Variants in CRB1 observed in about 807,000 individuals in gnomAD.
The protein encoded by CRB1 is protein crumbs homolog 1.
CRB1 carries 83 observed loss-of-function variants against 120.0 expected under a neutral mutation model. The observed-to-expected ratio is 0.69, with a 90% CI of 0.58 to 0.83. The LOEUF is 0.83. CRB1 is among the 40% of genes least tolerant of loss of function. CRB1 has a pLI of 0.00. For missense variants in CRB1, 1,699 were observed against 1,687.6 expected, an observed-to-expected ratio of 1.01 and a Z score of -0.12; for synonymous variants, 625 against 612.5, an observed-to-expected ratio of 1.02 and a Z score of -0.30.
rs115494276 is a variant in CRB1, at chr1:197,409,684, A to G, written c.1172-11316A>G. Reference sequence around the variant, plus strand: ...GTTTCATCATCTGTGAAATGCAGGTAGCAATACATGCTTCATCATTCATTA... The same window carrying G: ...GTTTCATCATCTGTGAAATGCAGGTGGCAATACATGCTTCATCATTCATTA... On this transcript the variant is annotated intron_variant, in intron 5 of 11. Transcript: ENST00000367400. 3.8e-3 allele frequency among the ~76,000 whole-genome samples: 581 copies of G among 152,326 alleles called. 8 individuals carry two copies. Among genetic ancestry groups the G allele is most frequent in the African/African-American group, 0.013 (559 of 41,588 alleles).
At chr1:197,405,605 C>T (rs1002306003) in intron 5 of CRB1, among the ~76,000 whole-genome samples, 2 of 151,664 alleles carry the variant, frequency 1.3e-5, no homozygotes, top group African/African-American at 2.4e-5. Flanking sequence ...CGTCTCTGCC[C>T]GGCCGCCATC....
chr1:197,309,044 T>C (rs1657349667), intron 1 of CRB1, among the ~76,000 whole-genome samples: 1 of 151,490 alleles, frequency 6.6e-6, no homozygotes, highest in African/African-American at 2.4e-5. Context: ...TGTATATGTA[T>C]ATATTTATGT....
At chr1:197,344,674 A>G (rs145356509) in intron 3 of CRB1, among the ~76,000 whole-genome samples, 198 bp downstream of exon 3, 198 of 152,352 alleles carry the variant, frequency 1.3e-3, no homozygotes, top group African/African-American at 4.7e-3. Context: ...GGAAGATTTT[A>G]CAAGTCATTC....
In CRB1 at chr1:197,344,365, A is replaced by T; in HGVS notation, c.737A>T (p.Tyr246Phe). The stretch of plus-strand genomic sequence containing the variant: ...ACTTGTCAGGATGCTCTGGGGGCCT[A>T]TTTCTGCGACTGTGCCCCTGGATTC... ...GATCQDALGAYFCDCAPGFLG... is the reference protein window; with the variant it reads ...GATCQDALGAFFCDCAPGFLG... The change falls in exon 3 of 12, where the codon TAT (tyrosine) becomes TTT (phenylalanine). Residue 246 changes from tyrosine to phenylalanine, a missense_variant. Physicochemically the swap from Tyr to Phe is conservative, Grantham distance 22 (BLOSUM62 3). Transcript: ENST00000367400. 1.2e-6 allele frequency: 2 copies of T among 1,614,124 alleles called. No individual in the cohort carries two copies. The highest frequency in any genetic ancestry group is 1.7e-6 in the Non-Finnish European group (2 of 1,180,000).
chr1:197,207,636 A>G, the CRB1 span, among the ~76,000 whole-genome samples: 2 of 152,160 alleles, frequency 1.3e-5, no homozygotes, highest in African/African-American at 4.8e-5. Flanking sequence ...CTTTTGCCTC[A>G]TGGCTCTTAA....
chr1:197,421,147 A>T lies in CRB1; in HGVS notation c.1319A>T (p.Asp440Val), dbSNP rs1343836735. The change falls in exon 6 of 12, where the codon GAT (aspartate) becomes GTT (valine). Residue 440 changes from aspartate to valine, a missense_variant. Physicochemically the swap from Asp to Val is radical, Grantham distance 152. Transcript: ENST00000367400. ...TTTTATGGAGGAAGGGACTGTTCTG[A>T]TATTCTCCTGGGCTGTACCCATCAG... ...RTFYGGRDCS[D>V]ILLGCTHQQC... 6.8e-6 allele frequency: 11 copies of T among 1,613,996 alleles called. No individual in the cohort carries two copies. The Admixed American group carries it at 1.5e-4, about 22-fold the overall frequency.
chr1:197,454,971 A>T (rs548239474), intron 11 of CRB1, among the ~76,000 whole-genome samples: 9 of 152,304 alleles, frequency 5.9e-5, no homozygotes, highest in African/African-American at 2.2e-4. Flanking sequence ...CGTACATAAG[A>T]GTTCTCTAAT....
chr1:197,371,897 A>G (rs920087149), intron 5 of CRB1, among the ~76,000 whole-genome samples: 15 of 152,156 alleles, frequency 9.9e-5, no homozygotes, highest in African/African-American at 3.6e-4. Context: ...AGAAATGGGC[A>G]GGTAAAGATC....
chr1:197,251,079 A>G, the CRB1 span, among the ~76,000 whole-genome samples: 1 of 151,914 alleles, frequency 6.6e-6, no homozygotes, highest in South Asian at 2.1e-4. Context: ...ACTTTATCTT[A>G]TTTGGAGAGA....
chr1:197,256,910 G>A, the CRB1 span, among the ~76,000 whole-genome samples: 1 of 145,686 alleles, frequency 6.9e-6, no homozygotes, highest in African/African-American at 2.6e-5. Context: ...ATTCTACAAA[G>A]AAACAGAACC....
At chr1:197,208,509 C>T in the CRB1 span, among the ~76,000 whole-genome samples, 1 of 152,136 alleles carries the variant, frequency 6.6e-6, no homozygotes, top group Non-Finnish European at 1.5e-5. Flanking sequence ...TGTAGCCACC[C>T]AGTGGAGCTA....
intron 5 of CRB1, among the ~76,000 whole-genome samples, chr1:197,395,484 A>G (rs1423154259): frequency 6.6e-6 from 1 of 152,164 alleles, no homozygotes. Flanking sequence ...AGAGCAGATT[A>G]CCTGGAAATA....
At chr1:197,459,726 T>A (rs1666437203) in intron 11 of CRB1, among the ~76,000 whole-genome samples, 1 of 152,142 alleles carries the variant, frequency 6.6e-6, no homozygotes, top group Non-Finnish European at 1.5e-5. Flanking sequence ...TCCTTCATGA[T>A]GGATTTATCA....
chr1:197,268,222 C>G (rs1014104760), upstream of CRB1: 2 of 578,144 alleles, frequency 3.5e-6, no homozygotes, highest in Non-Finnish European at 6.3e-6. Flanking sequence ...GTAAGTGATG[C>G]TAAGAAGCAC....
At chr1:197,333,984 G>A (rs1192584549) in intron 2 of CRB1, among the ~76,000 whole-genome samples, 1 of 152,208 alleles carries the variant, frequency 6.6e-6, no homozygotes, top group Non-Finnish European at 1.5e-5. Context: ...TGCATTAAAA[G>A]TTTAACTGGC....
chr1:197,300,966 C>T (rs1458897390), intron 1 of CRB1, among the ~76,000 whole-genome samples: 1 of 151,802 alleles, frequency 6.6e-6, no homozygotes, highest in Non-Finnish European at 1.5e-5. Context: ...GACAGCACAT[C>T]TGTTTACAGT....
At chr1:197,287,719 C>T (rs548460560) in intron 1 of CRB1, among the ~76,000 whole-genome samples, 1 of 151,826 alleles carries the variant, frequency 6.6e-6, no homozygotes, top group Non-Finnish European at 1.5e-5. Flanking sequence ...AAAAGAAATA[C>T]AACTAGCCAA....
At position 197,315,045 on chromosome 1, in the gene CRB1, T is replaced by A. The variant is rs565205266; in HGVS notation, c.71-13377T>A. Among the ~76,000 whole-genome samples the A allele has an allele frequency of 9.8e-5, 15 of 152,302 alleles. No homozygotes were observed. In the South Asian group the frequency reaches 3.1e-3, roughly 32 times the overall value. On this transcript the variant is annotated intron_variant, in intron 1 of 11. Coordinates refer to ENST00000367400, the MANE Select transcript of CRB1 (RefSeq NM_201253.3). ...TTGCTGCTCATCTCATTGTATTCCT[T>A]CTGTCTGCCCACAGCACAAAAGCCA...
chr1:197,405,987 T>C (rs1289081195), intron 5 of CRB1, among the ~76,000 whole-genome samples: 1 of 149,620 alleles, frequency 6.7e-6, no homozygotes, highest in Non-Finnish European at 1.5e-5. Flanking sequence ...AGCCGCCCCG[T>C]CCGGGAGGTG....
Sources: allele counts gnomAD v4.1 joint callset (sites outside exome capture counted in the v4.1 genomes callset), GRCh38; gene constraint gnomAD v4.1.1; transcripts MANE v1.5; gene names NCBI Gene and HGNC (gene_info 2026-07-23, HGNC 2026-07-21).